The following DDX31 variants were observed in gnomAD, a reference collection of about 807,000 sequenced individuals.
DDX31 encodes DEAD-box helicase 31.
DDX31 carries 70 observed loss-of-function variants against 91.3 expected under a neutral mutation model. That is an observed-to-expected ratio of 0.77 (90% confidence interval 0.63 to 0.94). DDX31 has a LOEUF of 0.94. DDX31 is among the 40% of genes least tolerant of loss of function. DDX31 has a pLI of 0.00. For missense variants in DDX31, 902 were observed against 925.0 expected, an observed-to-expected ratio of 0.98 and a Z score of 0.32; for synonymous variants, 362 against 350.6, an observed-to-expected ratio of 1.03 and a Z score of -0.36.
chr9:132,629,594 T>C (rs1832603674), intron 16 of DDX31, among the ~76,000 whole-genome samples: 1 of 152,038 alleles, frequency 6.6e-6, no homozygotes, highest in Non-Finnish European at 1.5e-5. Context: ...CACTGTACTT[T>C]AGGGGAGAAA....
intron 19 of DDX31, among the ~76,000 whole-genome samples, chr9:132,600,800 G>A (rs1213525809): frequency 6.6e-6 from 1 of 152,176 alleles, no homozygotes; most frequent in Admixed American, 6.5e-5. Flanking sequence ...TGATGACCTT[G>A]GTTGGAATCC....
At chr9:132,613,172 C>T (rs1831444446) in intron 18 of DDX31, among the ~76,000 whole-genome samples, 2 of 152,290 alleles carry the variant, frequency 1.3e-5, no homozygotes, top group South Asian at 4.1e-4. Flanking sequence ...TGTGAGCAAC[C>T]TCACCCAGCC....
chr9:132,611,985 T>C (rs1831365192), intron 19 of DDX31, 102 bp downstream of exon 19: 1 of 1,445,940 alleles, frequency 6.9e-7, no homozygotes, highest in Non-Finnish European at 9.4e-7. Flanking sequence ...GAAGGGCAGG[T>C]ATGAGTGAGA....
chr9:132,632,715 C>A (rs1412271335), intron 14 of DDX31, among the ~76,000 whole-genome samples: 1 of 152,122 alleles, frequency 6.6e-6, no homozygotes, highest in African/African-American at 2.4e-5. Flanking sequence ...GATCTAGTAA[C>A]CCCCTACCCC....
Position 132,647,031 on chromosome 9 carries a change from A to G in DDX31, c.995T>C (p.Leu332Ser). Reference sequence around the variant, plus strand: ...GACAGAAATACTGACTGGATCATGCAAACTGATATCAGCTAGCCGCGTTAC... The same window carrying G: ...GACAGAAATACTGACTGGATCATGCGAACTGATATCAGCTAGCCGCGTTAC... ...EGVTRLADIS[L>S]HDPVSISVLD... The change falls in exon 12 of 20, where the codon TTG (leucine) becomes TCG (serine). Residue 332 changes from leucine to serine, a missense_variant. Transcript: ENST00000372159. 1.2e-6 allele frequency: 2 copies of G among 1,614,088 alleles called. No homozygotes were observed. Among genetic ancestry groups the G allele is most frequent in the Admixed American group, 1.7e-5 (1 of 60,012 alleles).
At chr9:132,609,685 G>A (rs1831219621) in intron 19 of DDX31, among the ~76,000 whole-genome samples, 1 of 152,006 alleles carries the variant, frequency 6.6e-6, no homozygotes, top group African/African-American at 2.4e-5. Context: ...GCAGTGGCGC[G>A]ATCTCGGCTC....
intron 17 of DDX31, among the ~76,000 whole-genome samples, chr9:132,621,947 A>C (rs935812268): frequency 6.6e-5 from 10 of 151,830 alleles, no homozygotes; most frequent in Admixed American, 6.6e-4. Context: ...TAGCTTTCTA[A>C]GTTAACCAGT....
At chr9:132,640,543 C>T (rs955138657) in intron 14 of DDX31, among the ~76,000 whole-genome samples, 2 of 152,182 alleles carry the variant, frequency 1.3e-5, no homozygotes, top group African/African-American at 2.4e-5. Context: ...GTTGCTCAGG[C>T]TGGAATGCAG....
At chr9:132,635,987 C>T (rs1038069776) in intron 14 of DDX31, among the ~76,000 whole-genome samples, 1 of 152,132 alleles carries the variant, frequency 6.6e-6, no homozygotes, top group Non-Finnish European at 1.5e-5. Context: ...CACACTCCTG[C>T]TTCCCCCAGC....
rs912942946 is a variant in DDX31 at position 132,595,046 on chromosome 9, T to C, written c.2061A>G (p.Ser687=). ...SLAEILRSEY[S]SGMEADIAKV... ...TGGCGATGTCGGCCTCCATGCCGCT[T>C]GAGTATTCCGAACGTAGGATTTCAG... Residue 687 remains serine (S), a synonymous_variant, in exon 20 of 20, where the codon TCA becomes TCG. Coordinates refer to ENST00000372159, the MANE Select transcript of DDX31 (RefSeq NM_022779.9). The surrounding 1 kb of genome is among the most constrained non-coding windows in gnomAD (Gnocchi z 4.6). 3.1e-6 allele frequency: 5 copies of C among 1,614,238 alleles called. No homozygotes were observed. In the East Asian group the frequency reaches 1.1e-4, roughly 36 times the overall value.
chr9:132,669,469 A>AT (rs987166879), intron 1 of DDX31: 8 of 787,814 alleles, frequency 1.0e-5, no homozygotes, highest in African/African-American at 7.9e-5. Flanking sequence ...TGTGGGCAAG[A>AT]TAAAAAAAAA....
At chr9:132,628,352 C>T (rs1832521807) in intron 16 of DDX31, among the ~76,000 whole-genome samples, 1 of 152,152 alleles carries the variant, frequency 6.6e-6, no homozygotes, top group Non-Finnish European at 1.5e-5. Context: ...GAAGAGGTGG[C>T]GTTATCACTG....
Position 132,663,157 on chromosome 9 carries a change from A to C in DDX31, c.76-462T>G, listed in dbSNP as rs184720541. ...CAACAAAGCACACTGGAGACCGCACAGGAGAGAGGGGCGAGGGGGAATGCG... is the reference window on the plus strand; with the variant it reads ...CAACAAAGCACACTGGAGACCGCACCGGAGAGAGGGGCGAGGGGGAATGCG... On this transcript the variant is annotated intron_variant, in intron 1 of 19. Transcript: ENST00000372159. The C allele has an allele frequency of 4.1e-3, 5,239 of 1,287,420 alleles. 47 individuals are homozygous for C. The highest frequency in any genetic ancestry group is 0.023 in the South Asian group (1,854 of 80,962). 79.7% of individuals were successfully genotyped at this position (1,287,420 alleles called of 1,614,324 possible).
At chr9:132,624,249 A>C (rs190478251) in intron 17 of DDX31, among the ~76,000 whole-genome samples, 1 of 152,028 alleles carries the variant, frequency 6.6e-6, no homozygotes, top group East Asian at 1.9e-4. Context: ...AAAGAACGGA[A>C]GTGTGCCAAG....
chr9:132,638,551 T>G (rs1833270105), intron 14 of DDX31, among the ~76,000 whole-genome samples: 2 of 152,206 alleles, frequency 1.3e-5, no homozygotes, highest in African/African-American at 2.4e-5. Context: ...AATTACATTG[T>G]GAATGTGTGA....
intron 4 of DDX31, 68 bp from the exon 5 acceptor site, chr9:132,659,848 C>T (rs530799596): frequency 6.7e-7 from 1 of 1,489,502 alleles, no homozygotes; most frequent in African/African-American, 1.4e-5. Context: ...ACGCAGGATA[C>T]ATAAAAGGCA....
chr9:132,654,900 T>A (rs1162020363), intron 6 of DDX31, among the ~76,000 whole-genome samples: 1 of 137,628 alleles, frequency 7.3e-6, no homozygotes, highest in African/African-American at 2.8e-5. Flanking sequence ...GAGCCGAGAT[T>A]ACGCCACTCC....
rs1403639152 is a variant in DDX31, at chr9:132,651,086, T to C, written c.664A>G (p.Lys222Glu). 6.2e-7 allele frequency: 1 copy of C among 1,612,866 alleles called. No individual in the cohort carries two copies. The highest frequency in any genetic ancestry group is 8.5e-7 in the Non-Finnish European group (1 of 1,179,648). The change falls in exon 8 of 20, where the codon AAA (lysine) becomes GAA (glutamate). Residue 222 changes from lysine (K) to glutamate (E), a missense_variant. Physicochemically the swap from Lys to Glu is moderately conservative, Grantham distance 56. Coordinates refer to ENST00000372159, the MANE Select transcript of DDX31 (RefSeq NM_022779.9). ...ATGGTTTGCCTTACCTTAAGCAGTT[T>C]CTGGACAGTGTCAAAGCTTTGTAGA... Reference protein sequence around the residue: ...LALQSFDTVQKLLKPFTWIVP... With the variant: ...LALQSFDTVQELLKPFTWIVP...
intron 6 of DDX31, among the ~76,000 whole-genome samples, chr9:132,654,915 C>T (rs1162896086): frequency 1.5e-5 from 2 of 130,330 alleles, no homozygotes; most frequent in Middle Eastern, 4.5e-3. Flanking sequence ...CACTCCACTC[C>T]AACCAGGGCA....
Sources: gnomAD v4.1 joint callset for allele counts (sites outside exome capture counted in the v4.1 genomes callset) on GRCh38, gnomAD v4.1.1 for gene constraint, Gnocchi (gnomAD v3.1) non-coding constraint, MANE v1.5 for transcripts, NCBI Gene and HGNC (gene_info 2026-07-23, HGNC 2026-07-21) for gene names.